The following PCLO variants were observed in gnomAD, a reference collection of about 807,000 sequenced individuals.
The protein encoded by PCLO is protein piccolo.
Under a neutral mutation model 427.5 loss-of-function variants are expected in PCLO, and 82 were observed. That is an observed-to-expected ratio of 0.19 (90% CI 0.16 to 0.23). The LOEUF is 0.23. Among genes scored for constraint, PCLO ranks in the 10% least tolerant of loss-of-function variants. The pLI is 1.00. For missense variants in PCLO, 6,239 were observed against 6,115.9 expected, an observed-to-expected ratio of 1.02 and a Z score of -0.67; for synonymous variants, 2,357 against 2,155.4, an observed-to-expected ratio of 1.09 and a Z score of -2.59.
intron 21 of PCLO, 58 bp from the exon 22 acceptor site, chr7:82,801,649 G>T: frequency 1.0e-6 from 1 of 990,826 alleles, no homozygotes; most frequent in Non-Finnish European, 1.6e-6. Context: ...ATGCAAAAGA[G>T]GCTAAATTTG....
At chr7:83,067,487 A>ACTAGTAT (rs1789697232) in intron 3 of PCLO, among the ~76,000 whole-genome samples, 1 of 151,654 alleles carries the variant, frequency 6.6e-6, no homozygotes, top group Admixed American at 6.6e-5. Context: ...TTTTTTCTTG[A>ACTAGTAT]CTAGTATTGT....
At chr7:82,776,812 TTC>T (rs765270041) in intron 22 of PCLO, among the ~76,000 whole-genome samples, 1,668 of 102,520 alleles carry the variant, frequency 0.016, 35 homozygotes, top group African/African-American at 0.061. Context: ...CTCTCTCTCT[TTC>T]TCTCTCTCTC....
At chr7:83,122,501 G>A (rs1256440100) in intron 3 of PCLO, among the ~76,000 whole-genome samples, 1 of 151,970 alleles carries the variant, frequency 6.6e-6, no homozygotes, top group Non-Finnish European at 1.5e-5. Context: ...GGCTAGGTTG[G>A]TCTCGAACTG....
chr7:82,890,140 C>T (rs56948770), intron 9 of PCLO, among the ~76,000 whole-genome samples: 5,975 of 151,962 alleles, frequency 0.039, 404 homozygotes, highest in African/African-American at 0.14. Context: ...TTAGCTACTA[C>T]AAGCTGAGAG....
At chr7:82,801,139 G>A (rs955269722) in intron 22 of PCLO, among the ~76,000 whole-genome samples, 2 of 121,028 alleles carry the variant, frequency 1.7e-5, no homozygotes, top group Non-Finnish European at 3.7e-5. Context: ...AATTTCTATG[G>A]ACTTAAATGA....
chr7:83,116,495 T>A (rs28498579), intron 3 of PCLO, among the ~76,000 whole-genome samples: 11 of 152,180 alleles, frequency 7.2e-5, no homozygotes, highest in African/African-American at 2.7e-4. Flanking sequence ...TTTTTAAATT[T>A]TTTTACTGAA....
At chr7:83,160,593 T>C (rs903043790) in intron 1 of PCLO, among the ~76,000 whole-genome samples, 3 of 152,122 alleles carry the variant, frequency 2.0e-5, no homozygotes, top group Non-Finnish European at 2.9e-5. Flanking sequence ...CAATACTGTT[T>C]GGGCCATACA....
intron 3 of PCLO, among the ~76,000 whole-genome samples, chr7:82,977,615 T>C (rs528777437): frequency 1.3e-5 from 2 of 152,112 alleles, no homozygotes; most frequent in African/African-American, 4.8e-5. Context: ...GGTTTCACTA[T>C]GTTGGCCAGG....
chr7:82,910,413 AC>A (rs1389114143), intron 7 of PCLO, among the ~76,000 whole-genome samples: 1 of 152,132 alleles, frequency 6.6e-6, no homozygotes, highest in Non-Finnish European at 1.5e-5. Context: ...CTCCCAGAAT[AC>A]AAAATGAGCA....
chr7:82,992,610 G>A (rs532139410), intron 3 of PCLO, among the ~76,000 whole-genome samples: 61 of 151,986 alleles, frequency 4.0e-4, no homozygotes, highest in Non-Finnish European at 7.4e-4. Context: ...GGGATAAAGG[G>A]AAGGAGAGCA....
intron 20 of PCLO, among the ~76,000 whole-genome samples, chr7:82,814,934 AGCATCAGTTTCTT>A (rs1453503970): frequency 1.8e-4 from 28 of 152,174 alleles, no homozygotes; most frequent in Non-Finnish European, 2.9e-4. Context: ...GAAACTGATT[AGCATCAGTTTCTT>A]TGACAGTCAC....
At chr7:82,967,818 T>C (rs997294061) in intron 3 of PCLO, among the ~76,000 whole-genome samples, 3 of 152,352 alleles carry the variant, frequency 2.0e-5, no homozygotes, top group African/African-American at 7.2e-5. Context: ...GTAAAGGCTG[T>C]GTATGTAGTT....
At chr7:82,836,959 G>C (rs2115750797) in intron 15 of PCLO, among the ~76,000 whole-genome samples, 1 of 152,200 alleles carries the variant, frequency 6.6e-6, no homozygotes, top group African/African-American at 2.4e-5. Context: ...TTTGGTGAAT[G>C]CTCCATGTGT....
intron 6 of PCLO, among the ~76,000 whole-genome samples, chr7:82,922,044 G>A (rs1694170870): frequency 6.6e-6 from 1 of 151,936 alleles, no homozygotes; most frequent in African/African-American, 2.4e-5. Flanking sequence ...TCCTACACCA[G>A]TCAGAATGGC....
Position 82,954,058 on chromosome 7 carries a change from C to G in PCLO, c.6895G>C (p.Asp2299His). ...VSTDLLISEK[D>H]PVKKAKKETG... ...TCCTTCTTGGCTTTCTTCACTGGGT[C>G]CTTTTCAGATATAAGTAAGTCAGTA... Residue 2299 changes from aspartate to histidine, a missense_variant, in exon 5 of 25, where the codon GAC becomes CAC. Physicochemically the swap from Asp to His is moderately conservative, Grantham distance 81 (BLOSUM62 -1). Around this residue, in one of 5 missense-constraint regions of PCLO, gnomAD observed 4,677 missense variants for 4,468.4 expected, o/e 1.05. Coordinates refer to ENST00000333891, the MANE Select transcript of PCLO (RefSeq NM_033026.6). 1 of 1,613,792 alleles carries G rather than the reference C, an allele frequency of 6.2e-7. No individual in the cohort carries two copies. The highest frequency in any genetic ancestry group is 8.5e-7 in the Non-Finnish European group (1 of 1,179,838).
chr7:83,119,179 C>T (rs1172785237), intron 3 of PCLO, among the ~76,000 whole-genome samples: 1 of 152,086 alleles, frequency 6.6e-6, no homozygotes. Context: ...TCAGTGGTAG[C>T]CAGGCAATAG....
chr7:82,772,287 T>C (rs1247685750), intron 22 of PCLO, among the ~76,000 whole-genome samples: 1 of 152,090 alleles, frequency 6.6e-6, no homozygotes, highest in Non-Finnish European at 1.5e-5. Flanking sequence ...ATGAGAGATA[T>C]TTCGGATATT....
At chr7:82,918,448 T>C (rs1296338939) in intron 6 of PCLO, among the ~76,000 whole-genome samples, 1 of 152,034 alleles carries the variant, frequency 6.6e-6, no homozygotes, top group Non-Finnish European at 1.5e-5. Flanking sequence ...GATCTTTACA[T>C]ATTCTTTCAC....
At chr7:83,064,362 C>T (rs370719775) in intron 3 of PCLO, among the ~76,000 whole-genome samples, 2 of 151,896 alleles carry the variant, frequency 1.3e-5, no homozygotes, top group East Asian at 1.9e-4. Flanking sequence ...ACACAGGAAA[C>T]AAAAGGGTAG....
Sources: allele counts gnomAD v4.1 joint callset (sites outside exome capture counted in the v4.1 genomes callset), GRCh38; gene constraint gnomAD v4.1.1; regional missense constraint gnomAD v4.1.1; transcripts MANE v1.5; gene names NCBI Gene and HGNC (gene_info 2026-07-23, HGNC 2026-07-21).